Variants in CEP350 observed in about 807,000 individuals in gnomAD.
The protein encoded by CEP350 is centrosome-associated protein 350.
A neutral mutation model predicts 331.8 loss-of-function variants in CEP350; 126 were observed. The ratio of observed to expected loss-of-function variants is 0.38; its 90% CI spans 0.33 to 0.44. The LOEUF (loss-of-function observed/expected upper bound fraction) is 0.44. Ranked by LOEUF, CEP350 falls within the 20% of genes least tolerant of loss-of-function variation. The pLI is 1.00. For synonymous variants in CEP350, 1,200 were observed against 1,259.5 expected (o/e 0.95, Z 1.00); for missense variants, 3,406 against 3,634.6 (o/e 0.94, Z 1.62).
intron 14 of CEP350, among the ~76,000 whole-genome samples, chr1:180,027,665 G>T (rs559426050): frequency 6.6e-6 from 1 of 152,138 alleles, no homozygotes; most frequent in Non-Finnish European, 1.5e-5. Context: ...GATTATAGGC[G>T]TGAGCCACTG....
chr1:180,013,918 G>A lies in CEP350; in HGVS notation c.1465G>A (p.Glu489Lys), dbSNP rs144920739. The A allele has an allele frequency of 3.7e-6, 6 of 1,613,762 alleles. No homozygotes were observed. The highest frequency in any genetic ancestry group is 1.6e-4 in the Middle Eastern group (1 of 6,062). ...VLHRHLQRNS[E>K]RSRSKSRSEN... Reference sequence around the variant, plus strand: ...ACATAGACATCTTCAAAGAAACTCAGAACGTTCGAGAAGTAAATCTCGGTC... The same window carrying A: ...ACATAGACATCTTCAAAGAAACTCAAAACGTTCGAGAAGTAAATCTCGGTC... The change falls in exon 10 of 38, where the codon GAA (glutamate) becomes AAA (lysine). Residue 489 changes from glutamate to lysine, a missense_variant. Glu to Lys is a moderately conservative substitution (Grantham distance 56). Coordinates refer to ENST00000367607, the MANE Select transcript of CEP350 (RefSeq NM_014810.5).
Position 180,075,036 on chromosome 1 carries a change from G to A in CEP350, c.5582G>A (p.Arg1861Gln), listed in dbSNP as rs925525357. ...TGTGACCATAGGTTTCTGACAAAGC[G>A]GGAGCAAAAATTAATGCAACGGCGA... The part of the protein sequence containing the change: ...SRMDEKFLTK[R>Q]EQKLMQRRQH... Residue 1861 changes from arginine to glutamine, a missense_variant, in exon 28 of 38, where the codon CGG becomes CAG. Arg to Gln is a conservative substitution (Grantham distance 43). Coordinates refer to ENST00000367607, the MANE Select transcript of CEP350 (RefSeq NM_014810.5). 1.2e-5 allele frequency: 20 copies of A among 1,610,656 alleles called. No homozygotes were observed. Among genetic ancestry groups the A allele is most frequent in the African/African-American group, 2.7e-5 (2 of 74,732 alleles).
chr1:180,100,545 G>A (rs975417995), intron 37 of CEP350, among the ~76,000 whole-genome samples: 1 of 152,188 alleles, frequency 6.6e-6, no homozygotes, highest in Non-Finnish European at 1.5e-5. Context: ...AAGGACTGAT[G>A]TTAACAATAG....
At position 179,997,164 on chromosome 1, in the gene CEP350, C is replaced by T. The variant is rs1653510237; in HGVS notation, c.1007C>T (p.Pro336Leu). Residue 336 changes from proline (P) to leucine (L), a missense_variant, in exon 6 of 38, where the codon CCA becomes CTA. Transcript: ENST00000367607. ...VRKVATAPPA[P>L]AYKGFNPSET... ...AAAGTGGCAACAGCACCACCTGCTC[C>T]AGCATATAAAGGTTTGTAATCAGTC... The T allele has an allele frequency of 6.2e-7, 1 of 1,612,674 alleles. No individual in the cohort carries two copies. The highest frequency in any genetic ancestry group is 1.1e-5 in the South Asian group (1 of 90,982).
chr1:179,982,440 T>A (rs1288271470), intron 1 of CEP350, among the ~76,000 whole-genome samples: 1 of 152,244 alleles, frequency 6.6e-6, no homozygotes, highest in African/African-American at 2.4e-5. Flanking sequence ...AATGTCATAC[T>A]TTTAATATTT....
Position 179,954,997 on chromosome 1 carries a change from C to G in CEP350, c.-159C>G. On this transcript the variant is annotated 5_prime_UTR_variant, in exon 1 of 38. Transcript: ENST00000367607. ...CAGCGGACCGGCGGATCCCCGGAGC[C>G]GGTGCGAGGAGGGCACCCGGTGCGT... is the stretch of plus-strand genomic sequence containing the variant. 2.4e-6 allele frequency: 3 copies of G among 1,271,382 alleles called. No individual in the cohort carries two copies. The highest frequency in any genetic ancestry group is 3.0e-6 in the Non-Finnish European group (3 of 995,932). The allele number at this position is 1,271,382 out of a possible 1,614,324, so 78.8% of individuals were successfully genotyped here. A position where few individuals can be genotyped will look rare whatever the true frequency, so the allele number is the denominator to read the frequency against.
At chr1:180,098,729 A>G in intron 36 of CEP350, 134 bp from the exon 37 acceptor site, 1 of 713,174 alleles carries the variant, frequency 1.4e-6, no homozygotes, top group Non-Finnish European at 2.2e-6. Context: ...TGGAACTGTA[A>G]GTGGAAGAAA....
Position 180,087,601 on chromosome 1 carries a change from A to T in CEP350, c.6309A>T (p.Lys2103Asn). ...QLESYDEFIKKTEAELSQDLE... is the reference protein window; with the variant it reads ...QLESYDEFIKNTEAELSQDLE... ...AGTCATATGATGAATTTATTAAGAA[A>T]ACTGAAGCCGAGCTTAGCCAAGATT... Residue 2103 changes from lysine (K) to asparagine (N), a missense_variant, in exon 32 of 38, where the codon AAA becomes AAT. Coordinates refer to ENST00000367607, the MANE Select transcript of CEP350 (RefSeq NM_014810.5). 1 of 1,543,724 alleles carries T rather than the reference A, an allele frequency of 6.5e-7. No homozygotes were observed. The highest frequency in any genetic ancestry group is 1.2e-5 in the South Asian group (1 of 83,030).
chr1:179,966,044 A>T (rs960720904), intron 1 of CEP350, among the ~76,000 whole-genome samples: 25 of 152,306 alleles, frequency 1.6e-4, no homozygotes, highest in African/African-American at 6.0e-4. Context: ...CAGCAAAAAT[A>T]GATCTGAAAA....
chr1:180,007,901 T>G (rs535333157), intron 8 of CEP350, among the ~76,000 whole-genome samples: 14 of 145,990 alleles, frequency 9.6e-5, no homozygotes, highest in African/African-American at 3.2e-4. Flanking sequence ...TGACATAAAC[T>G]GCACATATTT....
Position 180,020,833 on chromosome 1 carries a change from G to T in CEP350, c.3059G>T (p.Gly1020Val). Residue 1020 changes from glycine to valine, a missense_variant, in exon 12 of 38, where the codon GGA (glycine) becomes GTA (valine). By Grantham distance (109) the Gly-to-Val change is moderately radical. Coordinates refer to ENST00000367607, the MANE Select transcript of CEP350 (RefSeq NM_014810.5). ...TTAAAAGAAAAGGAATTTTGTCCTG[G>T]AGAAAGAAATAGTTATGAACCCATC... is the stretch of plus-strand genomic sequence containing the variant. Reference protein sequence around the residue: ...EILKEKEFCPGERNSYEPIKE... With the variant: ...EILKEKEFCPVERNSYEPIKE... 1.2e-6 allele frequency: 2 copies of T among 1,613,090 alleles called. No individual in the cohort carries two copies. The highest frequency in any genetic ancestry group is 1.7e-6 in the Non-Finnish European group (2 of 1,179,734).
intron 16 of CEP350, among the ~76,000 whole-genome samples, chr1:180,036,620 T>A (rs1656372707): frequency 6.6e-6 from 1 of 150,872 alleles, no homozygotes; most frequent in South Asian, 2.1e-4. Context: ...TATTTTTAAA[T>A]TAAAGTATGT....
intron 13 of CEP350, among the ~76,000 whole-genome samples, chr1:180,023,302 A>T (rs1368873922): frequency 6.6e-6 from 1 of 152,144 alleles, no homozygotes; most frequent in South Asian, 2.1e-4. Flanking sequence ...TCACTTACTT[A>T]GAACAGGGCC....
rs771343788 is a variant in CEP350 at position 180,041,716 on chromosome 1, G to A, written c.4276G>A (p.Val1426Ile). ...TCAATCACAACGGGAAGTAACTGAA[G>A]TCCTGCAGGAAGCAACGTGTAAAAT... ...VVQSQREVTE[V>I]LQEATCKIAA... Residue 1426 changes from valine to isoleucine, a missense_variant, in exon 19 of 38, where the codon GTC (valine) becomes ATC (isoleucine). By Grantham distance (29) the Val-to-Ile change is conservative. Transcript: ENST00000367607. 6 of 1,613,740 alleles carry A rather than the reference G, an allele frequency of 3.7e-6. No homozygotes were observed. The highest frequency in any genetic ancestry group is 5.1e-6 in the Non-Finnish European group (6 of 1,179,764).
At chr1:180,069,129 G>A (rs1467445387) in intron 27 of CEP350, among the ~76,000 whole-genome samples, 2 of 152,130 alleles carry the variant, frequency 1.3e-5, no homozygotes, top group East Asian at 1.9e-4. Context: ...CTATTTTTTG[G>A]TTTGGTCATT....
chr1:180,105,237 G>T (rs1012012177), intron 37 of CEP350, among the ~76,000 whole-genome samples: 3 of 151,942 alleles, frequency 2.0e-5, no homozygotes, highest in Non-Finnish European at 4.4e-5. Context: ...CTCACTGGCT[G>T]CTGCTCCTTG....
At chr1:180,022,617 C>A in intron 12 of CEP350, 81 bp from the exon 13 acceptor site, 1 of 1,255,652 alleles carries the variant, frequency 8.0e-7, no homozygotes, top group Non-Finnish European at 1.1e-6. Context: ...GCCCATATTG[C>A]TAATCTCCAT....
intron 12 of CEP350, 92 bp from the exon 13 acceptor site, chr1:180,022,606 A>G (rs1475903790): frequency 1.5e-5 from 16 of 1,040,884 alleles, no homozygotes; most frequent in Non-Finnish European, 2.1e-5. Context: ...AATGTCCCTA[A>G]GCCCATATTG....
intron 31 of CEP350, among the ~76,000 whole-genome samples, chr1:180,084,717 A>G (rs1659758607): frequency 6.6e-6 from 1 of 152,098 alleles, no homozygotes; most frequent in Admixed American, 6.5e-5. Flanking sequence ...AAATATTAAA[A>G]TTGGCTACAT....
Sources: gnomAD v4.1 joint callset for allele counts (sites outside exome capture counted in the v4.1 genomes callset) on GRCh38, gnomAD v4.1.1 for gene constraint, MANE v1.5 for transcripts, NCBI Gene and HGNC (gene_info 2026-07-23, HGNC 2026-07-21) for gene names.